Variants in LDLRAP1 observed in about 807,000 individuals in gnomAD.
LDLRAP1 encodes low density lipoprotein receptor adapter protein 1.
LDLRAP1 carries 30 observed loss-of-function variants against 37.8 expected under a neutral mutation model. The ratio of observed to expected loss-of-function variants is 0.79; its 90% confidence interval spans 0.59 to 1.08. The LOEUF is 1.08. Among genes scored for constraint, LDLRAP1 ranks in the 50% least tolerant of loss-of-function variants. The pLI is 0.00. For synonymous variants in LDLRAP1, 156 were observed against 169.8 expected (o/e 0.92, Z 0.63); for missense variants, 375 against 401.6 (o/e 0.93, Z 0.57).
chr1:25,574,427 G>A, the LDLRAP1 span, among the ~76,000 whole-genome samples: 96 of 152,342 alleles, frequency 6.3e-4, no homozygotes, highest in African/African-American at 2.1e-3. Flanking sequence ...GCTTGCAAGC[G>A]GGCAGATGGA....
chr1:25,565,625 C>T (rs1364482296), intron 8 of LDLRAP1, among the ~76,000 whole-genome samples: 1 of 151,830 alleles, frequency 6.6e-6, no homozygotes, highest in African/African-American at 2.4e-5. Flanking sequence ...TTTAATGAAG[C>T]TCGTGAAGCG....
rs755956056 is a variant in LDLRAP1, at chr1:25,555,241, C to T, written c.344+269C>T. Among the ~76,000 whole-genome samples, 2 of 152,232 alleles carry T rather than the reference C, an allele frequency of 1.3e-5. No individual in the cohort carries two copies. Among genetic ancestry groups the T allele is most frequent in the Admixed American group, 1.3e-4 (2 of 15,288 alleles). On this transcript the variant is annotated intron_variant, in intron 3 of 8. Transcript: ENST00000374338. The surrounding 1 kb of genome is among the most constrained non-coding windows in gnomAD (Gnocchi z 4.7). ...GTTGCAGAAGACAGCTGAGCCCACC[C>T]GTGCCCTTCCCCCCTACTCCCCACC...
intron 1 of LDLRAP1, among the ~76,000 whole-genome samples, chr1:25,549,239 T>G (rs1301449351): frequency 1.3e-5 from 2 of 152,284 alleles, no homozygotes; most frequent in East Asian, 3.9e-4. Flanking sequence ...GCAGCTACAC[T>G]CCAGGTCAGG....
chr1:25,589,767 T>C, the LDLRAP1 span, among the ~76,000 whole-genome samples: 2 of 152,206 alleles, frequency 1.3e-5, no homozygotes, highest in African/African-American at 4.8e-5. Context: ...GTCATGGAAC[T>C]TCTTGGCCTC....
At chr1:25,553,653 A>G (rs564337015) in intron 1 of LDLRAP1, 2 of 457,096 alleles carry the variant, frequency 4.4e-6, no homozygotes, top group South Asian at 4.3e-5. Context: ...GGAGTTCGAG[A>G]CCAGCTACTC....
the LDLRAP1 span, among the ~76,000 whole-genome samples, chr1:25,582,310 GGC>G: frequency 1.3e-5 from 2 of 152,282 alleles, no homozygotes; most frequent in Admixed American, 6.5e-5. Context: ...GAATGGTCTG[GGC>G]GTGGTGGCTC....
chr1:25,579,989 G>A, the LDLRAP1 span, among the ~76,000 whole-genome samples: 3 of 152,112 alleles, frequency 2.0e-5, no homozygotes, highest in African/African-American at 2.4e-5. Context: ...ACTGACCCTC[G>A]CTAATTTAAG....
At chr1:25,553,726 G>A (rs1015284400) in intron 1 of LDLRAP1, 196 bp from the exon 2 acceptor site, 7 of 618,528 alleles carry the variant, frequency 1.1e-5, no homozygotes, top group South Asian at 9.9e-5. Flanking sequence ...AGCTGAGCTC[G>A]CACCACTGCA....
At chr1:25,546,036 T>G (rs973375553) in intron 1 of LDLRAP1, among the ~76,000 whole-genome samples, 2 of 152,122 alleles carry the variant, frequency 1.3e-5, no homozygotes, top group Non-Finnish European at 2.9e-5. Flanking sequence ...GTCTTACCAG[T>G]GTGCTTGGTG....
At chr1:25,551,043 C>T (rs1210737405) in intron 1 of LDLRAP1, among the ~76,000 whole-genome samples, 1 of 152,032 alleles carries the variant, frequency 6.6e-6, no homozygotes, top group East Asian at 1.9e-4. Context: ...GAATGTTTGC[C>T]AGGGGTAGGG....
chr1:25,573,699 C>T (rs962607480), downstream of LDLRAP1, among the ~76,000 whole-genome samples: 7 of 152,186 alleles, frequency 4.6e-5, no homozygotes, highest in Non-Finnish European at 8.8e-5. Flanking sequence ...GCTTTGCACA[C>T]GTTACGTAAT....
At position 25,544,597 on chromosome 1, in the gene LDLRAP1, C is replaced by G. The variant is rs560144498; in HGVS notation, c.88+811C>G. Among the ~76,000 whole-genome samples the G allele has an allele frequency of 6.6e-6, 1 of 152,212 alleles. No homozygotes were observed. Among genetic ancestry groups the G allele is most frequent in the Non-Finnish European group, 1.5e-5 (1 of 68,030 alleles). On this transcript the variant is annotated intron_variant, in intron 1 of 8. Transcript: ENST00000374338. The surrounding 1 kb of genome is among the most constrained non-coding windows in gnomAD (Gnocchi z 4.8). ...TGGGAGGCTGGGAGGGGCCTCCCCC[C>G]CTTTCTCTCCCCCAGTCTCTGATTA...
the LDLRAP1 span, among the ~76,000 whole-genome samples, chr1:25,573,983 TA>T: frequency 6.6e-6 from 1 of 151,970 alleles, no homozygotes; most frequent in Admixed American, 6.5e-5. Flanking sequence ...TACGTAAAAA[TA>T]GGTGTGGTGT....
In LDLRAP1 at chr1:25,546,304, C is replaced by T. The variant is rs1363679286; in HGVS notation, c.88+2518C>T. On this transcript the variant is annotated intron_variant, in intron 1 of 8. Transcript: ENST00000374338. ...CTCTCAGTTGTGACCTGCTCCTCCTCCTCAAGGTCCTCACTAGGATTAGCA... is the reference window on the plus strand; with the variant it reads ...CTCTCAGTTGTGACCTGCTCCTCCTTCTCAAGGTCCTCACTAGGATTAGCA... Among the ~76,000 whole-genome samples the T allele has an allele frequency of 5.3e-5, 8 of 152,196 alleles. No homozygotes were observed. In the South Asian group the frequency reaches 1.2e-3, roughly 24 times the overall value.
At chr1:25,548,068 G>A (rs528693420) in intron 1 of LDLRAP1, among the ~76,000 whole-genome samples, 1 of 152,350 alleles carries the variant, frequency 6.6e-6, no homozygotes, top group African/African-American at 2.4e-5. Flanking sequence ...GCAGGAGGCA[G>A]GTATGGACTG....
At chr1:25,563,823 T>C (rs1373413112) in intron 7 of LDLRAP1, 32 bp downstream of exon 7, 1 of 1,612,800 alleles carries the variant, frequency 6.2e-7, no homozygotes, top group South Asian at 1.1e-5. Context: ...AGATCGGTGA[T>C]CCTCAGCCTG....
rs1339605688 is a variant in LDLRAP1 at position 25,567,826 on chromosome 1, CCCT to C, written c.*837_*839del. 1 of 152,622 alleles carries C rather than the reference CCCT, an allele frequency of 6.6e-6. No homozygotes were observed. Among genetic ancestry groups the C allele is most frequent in the East Asian group, 1.9e-4 (1 of 5,198 alleles). 9.5% of individuals were successfully genotyped at this position (152,622 alleles called of 1,614,324 possible). A position where few individuals can be genotyped will look rare whatever the true frequency, so the allele number is the denominator to read the frequency against. On this transcript the variant is annotated 3_prime_UTR_variant, in exon 9 of 9. Coordinates refer to ENST00000374338, the MANE Select transcript of LDLRAP1 (RefSeq NM_015627.3). ...CCGTCGGGCCCCTGCCTGCCTTCTC[CCCT>C]CCACGCAAGGCTGTGCTCTTCCTCT...
chr1:25,567,527 C>G lies in LDLRAP1; in HGVS notation c.*535C>G. The G allele has an allele frequency of 4.4e-6, 1 of 226,678 alleles. No homozygotes were observed. The highest frequency in any genetic ancestry group is 8.9e-6 in the Non-Finnish European group (1 of 111,984). The allele number at this position is 226,678 out of a possible 1,614,324, so 14.0% of individuals were successfully genotyped here. The stretch of plus-strand genomic sequence containing the variant: ...CTCTGCTTCCTCAGGGCCCAGCAGG[C>G]GGGGGTTTGAGCCCTGGACCCCAGG... On this transcript the variant is annotated 3_prime_UTR_variant, in exon 9 of 9. Coordinates refer to ENST00000374338, the MANE Select transcript of LDLRAP1 (RefSeq NM_015627.3).
In LDLRAP1 at chr1:25,553,833, G is replaced by A. The variant is rs539399259; in HGVS notation, c.89-89G>A. 3.8e-5 allele frequency: 58 copies of A among 1,531,474 alleles called. No homozygotes were observed. The African/African-American group carries it at 6.4e-4, about 17-fold the overall frequency. The allele number at this position is 1,531,474 out of a possible 1,614,324, so 94.9% of individuals were successfully genotyped here. On this transcript the variant is annotated intron_variant, in intron 1 of 8. Coordinates refer to ENST00000374338, the MANE Select transcript of LDLRAP1 (RefSeq NM_015627.3). Reference sequence around the variant, plus strand: ...GGGAGACCCCCATCCCCCTTGCTGGGGTTTCCTAGGAAAGAAGGCTGGTGA... The same window carrying A: ...GGGAGACCCCCATCCCCCTTGCTGGAGTTTCCTAGGAAAGAAGGCTGGTGA...
Sources: gnomAD v4.1 joint callset for allele counts (sites outside exome capture counted in the v4.1 genomes callset) on GRCh38, gnomAD v4.1.1 for gene constraint, Gnocchi (gnomAD v3.1) non-coding constraint, MANE v1.5 for transcripts, NCBI Gene and HGNC (gene_info 2026-07-23, HGNC 2026-07-21) for gene names.